Variants in RGL1 observed in about 807,000 individuals in gnomAD.
The protein encoded by RGL1 is ral guanine nucleotide dissociation stimulator-like 1.
In RGL1, 24 loss-of-function variants were observed where a neutral mutation model predicts 95.2. That is an observed-to-expected ratio of 0.25 (90% CI 0.18 to 0.35). The LOEUF (loss-of-function observed/expected upper bound fraction) is 0.35. RGL1 is among the 10% of genes least tolerant of loss of function. The pLI, the probability that RGL1 is intolerant of heterozygous loss-of-function variation, is 1.00. For missense variants in RGL1, 715 were observed against 936.3 expected, an observed-to-expected ratio of 0.76 and a Z score of 3.08; for synonymous variants, 329 against 344.9, an observed-to-expected ratio of 0.95 and a Z score of 0.51.
At chr1:183,640,196 T>C (rs1198008225) in intron 1 of RGL1, among the ~76,000 whole-genome samples, 1 of 152,138 alleles carries the variant, frequency 6.6e-6, no homozygotes, top group African/African-American at 2.4e-5. Flanking sequence ...GAAACAGACA[T>C]TGGTTTTGGA....
chr1:183,739,248 G>A (rs953497377), intron 1 of RGL1, among the ~76,000 whole-genome samples: 11 of 152,238 alleles, frequency 7.2e-5, no homozygotes, highest in Non-Finnish European at 4.4e-5. Flanking sequence ...TACTCATCAG[G>A]TGTGACCATC....
At chr1:183,752,708 C>G (rs1385574461) in intron 2 of RGL1, among the ~76,000 whole-genome samples, 1 of 144,860 alleles carries the variant, frequency 6.9e-6, no homozygotes, top group East Asian at 2.0e-4. Flanking sequence ...CTCTCTCTTT[C>G]CCCTTTCCTC....
intron 2 of RGL1, among the ~76,000 whole-genome samples, chr1:183,754,111 G>T (rs568697369): frequency 6.6e-6 from 1 of 152,250 alleles, no homozygotes; most frequent in Non-Finnish European, 1.5e-5. Flanking sequence ...CTACAGATGG[G>T]CGTGCTTGTG....
At chr1:183,708,131 A>C (rs1655032616) in intron 1 of RGL1, among the ~76,000 whole-genome samples, 1 of 152,190 alleles carries the variant, frequency 6.6e-6, no homozygotes, top group African/African-American at 2.4e-5. Flanking sequence ...ATTGCAAAAA[A>C]AGACAAGGCG....
intron 3 of RGL1, among the ~76,000 whole-genome samples, 177 bp downstream of exon 3, chr1:183,847,951 T>C (rs1174200974): frequency 6.6e-6 from 1 of 152,196 alleles, no homozygotes; most frequent in Non-Finnish European, 1.5e-5. Context: ...CCACTTATGG[T>C]CTGTTGCTGG....
chr1:183,708,881 G>A (rs1025770726), intron 1 of RGL1, among the ~76,000 whole-genome samples: 3 of 152,184 alleles, frequency 2.0e-5, no homozygotes, highest in African/African-American at 7.2e-5. Context: ...CGCGGACCGG[G>A]GCCCCTTCCA....
chr1:183,852,752 G>T (rs1307774316), intron 3 of RGL1, among the ~76,000 whole-genome samples: 2 of 152,176 alleles, frequency 1.3e-5, no homozygotes, highest in Non-Finnish European at 2.9e-5. Flanking sequence ...GGCAGAAGTT[G>T]CAGTGAGCTG....
At chr1:183,891,763 T>G (rs779654810) in intron 8 of RGL1, among the ~76,000 whole-genome samples, 101 of 144,300 alleles carry the variant, frequency 7.0e-4, no homozygotes, top group Non-Finnish European at 1.4e-3. Context: ...TTTTTTTTGT[T>G]TAACTCACTG....
rs1019744548 is a variant in RGL1 at position 183,691,762 on chromosome 1, T to G, written c.-32-50364T>G. On this transcript the variant is annotated intron_variant, in intron 1 of 18. Coordinates refer to the RGL1 transcript ENST00000304685. ...TTAATTGGAGGACCTGAGAAATTTGTTGACACTGGAAACTTGTGCATTTTT... is the reference window on the plus strand; with the variant it reads ...TTAATTGGAGGACCTGAGAAATTTGGTGACACTGGAAACTTGTGCATTTTT... Among the ~76,000 whole-genome samples, 62 of 152,302 alleles carry G rather than the reference T, an allele frequency of 4.1e-4. 1 individual carries two copies. The highest frequency in any genetic ancestry group is 1.5e-3 in the African/African-American group (62 of 41,580).
chr1:183,846,556 TAAAA>T (rs1035284249), intron 2 of RGL1, among the ~76,000 whole-genome samples: 14 of 150,464 alleles, frequency 9.3e-5, no homozygotes, highest in African/African-American at 3.4e-4. Flanking sequence ...AAAAAAAGAA[TAAAA>T]AACTCCAACA....
intron 2 of RGL1, among the ~76,000 whole-genome samples, chr1:183,747,729 G>A (rs1029315164): frequency 2.6e-5 from 4 of 152,122 alleles, no homozygotes; most frequent in East Asian, 1.9e-4. Flanking sequence ...TGCTGGATTC[G>A]GTTTGCCAGT....
chr1:183,922,272 G>T lies in RGL1; in HGVS notation c.2055G>T (p.Lys685Asn). 1 of 1,614,160 alleles carries T rather than the reference G, an allele frequency of 6.2e-7. No homozygotes were observed. Among genetic ancestry groups the T allele is most frequent in the Non-Finnish European group, 8.5e-7 (1 of 1,180,026 alleles). ...CTGTGATCCAGAGAGCCATGCTGAA[G>T]CACAATCTGGACTCAGACCCCGCCG... ...TPAVIQRAML[K>N]HNLDSDPAEE... Residue 685 changes from lysine (K) to asparagine (N), a missense_variant, in exon 17 of 18, where the codon AAG (lysine) becomes AAT (asparagine). Lys to Asn is a moderately conservative substitution (Grantham distance 94). Transcript: ENST00000360851.
chr1:183,904,323 C>A (rs906951467), intron 12 of RGL1, among the ~76,000 whole-genome samples: 11 of 152,150 alleles, frequency 7.2e-5, no homozygotes, highest in Admixed American at 7.2e-4. Context: ...TTTATGAGAC[C>A]TAGGACTGTT....
intron 14 of RGL1, among the ~76,000 whole-genome samples, chr1:183,911,493 A>G: frequency 6.6e-6 from 1 of 151,608 alleles, no homozygotes; most frequent in Admixed American, 6.6e-5. Context: ...GGGGCCTCCC[A>G]CTCCCCCACC....
intron 3 of RGL1, among the ~76,000 whole-genome samples, chr1:183,852,924 G>A (rs540300026): frequency 6.6e-6 from 1 of 152,296 alleles, no homozygotes; most frequent in South Asian, 2.1e-4. Context: ...TTCAGTGAGA[G>A]CCATGAAATG....
At chr1:183,883,983 G>A (rs766921003) in intron 6 of RGL1, 73 bp downstream of exon 6, 2 of 1,485,184 alleles carry the variant, frequency 1.3e-6, no homozygotes, top group Non-Finnish European at 1.9e-6. Context: ...GTGCCCCGGT[G>A]ACAGCAGTGG....
intron 14 of RGL1, among the ~76,000 whole-genome samples, chr1:183,910,337 G>A (rs561887295): frequency 6.6e-6 from 1 of 152,208 alleles, no homozygotes; most frequent in Admixed American, 6.5e-5. Flanking sequence ...AACTCAGGCA[G>A]TCAGCCTGCC....
chr1:183,801,171 G>GTGTA (rs1660969759), upstream of RGL1, among the ~76,000 whole-genome samples: 1 of 151,810 alleles, frequency 6.6e-6, no homozygotes, highest in African/African-American at 2.4e-5. Flanking sequence ...GTGTGTGTGT[G>GTGTA]TGTGTGTTTA....
intron 1 of RGL1, among the ~76,000 whole-genome samples, chr1:183,730,811 T>C (rs1489742187): frequency 2.6e-5 from 4 of 152,178 alleles, no homozygotes; most frequent in African/African-American, 9.7e-5. Context: ...AATGTACTTA[T>C]TTCTCAGGTA....
Sources: gnomAD v4.1 joint callset for allele counts (sites outside exome capture counted in the v4.1 genomes callset) on GRCh38, gnomAD v4.1.1 for gene constraint, MANE v1.5 for transcripts, NCBI Gene and HGNC (gene_info 2026-07-23, HGNC 2026-07-21) for gene names.